Variants in FAF1 observed in about 807,000 individuals in gnomAD.
The protein encoded by FAF1 is FAS-associated factor 1.
Under a neutral mutation model 92.5 loss-of-function variants are expected in FAF1, and 25 were observed. The observed-to-expected ratio is 0.27, with a 90% CI of 0.20 to 0.38. The LOEUF is 0.38. FAF1 is among the 10% of genes least tolerant of loss of function. The pLI, the probability that FAF1 is intolerant of heterozygous loss-of-function variation, is 1.00. For synonymous variants in FAF1, 234 were observed against 273.2 expected, an observed-to-expected ratio of 0.86 and a Z score of 1.42; for missense variants, 636 against 793.3, an observed-to-expected ratio of 0.80 and a Z score of 2.38.
intron 6 of FAF1, among the ~76,000 whole-genome samples, chr1:50,731,303 G>C (rs1658905573): frequency 6.6e-6 from 1 of 151,870 alleles, no homozygotes; most frequent in African/African-American, 2.4e-5. Context: ...GTAGCTAACT[G>C]CTGAGGTACT....
chr1:50,602,006 T>C (rs186495117), intron 8 of FAF1, among the ~76,000 whole-genome samples: 46 of 152,206 alleles, frequency 3.0e-4, no homozygotes, highest in African/African-American at 1.1e-3. Flanking sequence ...TTGTAAAATA[T>C]AGGTACGACC....
At chr1:50,637,532 A>C (rs539705734) in intron 8 of FAF1, among the ~76,000 whole-genome samples, 2 of 151,726 alleles carry the variant, frequency 1.3e-5, no homozygotes, top group East Asian at 3.9e-4. Flanking sequence ...CAATTTTTGG[A>C]ATTAATTTGC....
intron 15 of FAF1, among the ~76,000 whole-genome samples, chr1:50,520,401 C>G (rs1317419296): frequency 6.6e-6 from 1 of 152,116 alleles, no homozygotes; most frequent in Non-Finnish European, 1.5e-5. Flanking sequence ...TGTATTTTTT[C>G]TACACAAATT....
intron 4 of FAF1, among the ~76,000 whole-genome samples, chr1:50,771,096 T>C (rs1161590265): frequency 6.6e-6 from 1 of 151,978 alleles, no homozygotes; most frequent in Non-Finnish European, 1.5e-5. Context: ...TATACAAAAA[T>C]CAACTTAAGA....
intron 15 of FAF1, among the ~76,000 whole-genome samples, chr1:50,510,494 A>T (rs1647120501): frequency 1.3e-5 from 2 of 152,158 alleles, no homozygotes; most frequent in African/African-American, 4.8e-5. Context: ...TTACATGAAC[A>T]TGAGCCTCAG....
intron 7 of FAF1, among the ~76,000 whole-genome samples, chr1:50,679,508 C>T (rs1656331524): frequency 6.6e-6 from 1 of 150,842 alleles, no homozygotes; most frequent in African/African-American, 2.4e-5. Context: ...TCTACTCAGA[C>T]ATTTAACAGA....
At chr1:50,604,593 G>C (rs753947401) in intron 8 of FAF1, among the ~76,000 whole-genome samples, 2 of 152,036 alleles carry the variant, frequency 1.3e-5, no homozygotes, top group Non-Finnish European at 2.9e-5. Context: ...CTGCCACCTC[G>C]ATCTCCCAGC....
Position 50,788,071 on chromosome 1 carries a change from C to T in FAF1, c.296G>A (p.Arg99Gln), listed in dbSNP as rs767680258. 1.9e-6 allele frequency: 3 copies of T among 1,613,984 alleles called. No individual in the cohort carries two copies. Among genetic ancestry groups the T allele is most frequent in the African/African-American group, 1.3e-5 (1 of 74,896 alleles). Residue 99 changes from arginine (R) to glutamine (Q), a missense_variant, in exon 4 of 19, where the codon CGG (arginine) becomes CAG (glutamine). Physicochemically the swap from Arg to Gln is conservative, Grantham distance 43 (BLOSUM62 1). Coordinates refer to ENST00000396153, the MANE Select transcript of FAF1 (RefSeq NM_007051.3). ...PSRQIVERQP[R>Q]MLDFRVEYRD... ...GTATTCAACCCTGAAGTCCAGCATCCGAGGTTGCCTTTCTACAATCTGCCT... is the reference window on the plus strand; with the variant it reads ...GTATTCAACCCTGAAGTCCAGCATCTGAGGTTGCCTTTCTACAATCTGCCT...
chr1:50,536,119 T>A (rs952519562), intron 14 of FAF1, among the ~76,000 whole-genome samples: 2 of 152,184 alleles, frequency 1.3e-5, no homozygotes, highest in Non-Finnish European at 1.5e-5. Context: ...AAAAGATTTC[T>A]TTTTTTGCCC....
chr1:50,697,438 C>G (rs561131348), intron 7 of FAF1, among the ~76,000 whole-genome samples: 2 of 152,240 alleles, frequency 1.3e-5, no homozygotes, highest in Non-Finnish European at 2.9e-5. Flanking sequence ...CTGGGCCCCC[C>G]TAGCATACTG....
intron 12 of FAF1, chr1:50,582,374 T>C (rs951275742): frequency 3.2e-5 from 13 of 412,132 alleles, no homozygotes; most frequent in African/African-American, 2.6e-4. Flanking sequence ...ACAAATAAAG[T>C]CTCCAATCTC....
At chr1:50,722,338 C>T (rs544399334) in intron 6 of FAF1, among the ~76,000 whole-genome samples, 14 of 152,200 alleles carry the variant, frequency 9.2e-5, no homozygotes, top group African/African-American at 2.4e-4. Flanking sequence ...CTCAAAGACA[C>T]GAATAACTTG....
intron 7 of FAF1, among the ~76,000 whole-genome samples, chr1:50,682,459 A>G (rs1656466749): frequency 6.6e-6 from 1 of 152,118 alleles, no homozygotes; most frequent in Admixed American, 6.5e-5. Context: ...AGAGCTGTGG[A>G]ACTGTGAAGG....
intron 3 of FAF1, among the ~76,000 whole-genome samples, chr1:50,797,108 C>G (rs1661781875): frequency 6.6e-6 from 1 of 151,954 alleles, no homozygotes; most frequent in South Asian, 2.1e-4. Context: ...TGCACTTCAG[C>G]CTGGGTGACA....
chr1:50,652,132 T>G (rs1654892218), intron 8 of FAF1, among the ~76,000 whole-genome samples: 1 of 152,296 alleles, frequency 6.6e-6, no homozygotes, highest in Non-Finnish European at 1.5e-5. Flanking sequence ...CAAATGGCAA[T>G]AATGAGGCTA....
chr1:50,827,709 A>T (rs1644114926), intron 2 of FAF1, among the ~76,000 whole-genome samples: 1 of 152,190 alleles, frequency 6.6e-6, no homozygotes, highest in Non-Finnish European at 1.5e-5. Flanking sequence ...ATACCTAAAG[A>T]TTATTTAAAG....
chr1:50,591,761 C>T (rs1203329083), intron 9 of FAF1, among the ~76,000 whole-genome samples: 1 of 151,762 alleles, frequency 6.6e-6, no homozygotes, highest in African/African-American at 2.4e-5. Context: ...ACTTTCACCT[C>T]ATCTCTTATC....
chr1:50,958,721 T>G (rs961712546), intron 1 of FAF1, among the ~76,000 whole-genome samples: 1 of 151,220 alleles, frequency 6.6e-6, no homozygotes, highest in African/African-American at 2.4e-5. Flanking sequence ...AATAAGGAAC[T>G]TAATAGAACA....
At chr1:50,732,199 C>CG (rs1000904881) in intron 6 of FAF1, among the ~76,000 whole-genome samples, 2 of 152,026 alleles carry the variant, frequency 1.3e-5, no homozygotes. Flanking sequence ...CTCAGCCTCC[C>CG]GAGTAGCTGG....
Sources: allele counts gnomAD v4.1 joint callset (sites outside exome capture counted in the v4.1 genomes callset), GRCh38; gene constraint gnomAD v4.1.1; transcripts MANE v1.5; gene names NCBI Gene and HGNC (gene_info 2026-07-23, HGNC 2026-07-21).